The following B3GAT2 variants were observed in gnomAD, a reference collection of about 807,000 sequenced individuals.
B3GAT2 encodes the protein beta-1,3-glucuronyltransferase 2, also known as galactosylgalactosylxylosylprotein 3-beta-glucuronosyltransferase 2.
In B3GAT2, 26 loss-of-function variants were observed where a neutral mutation model predicts 27.8. The observed-to-expected ratio is 0.93, with a 90% confidence interval of 0.68 to 1.30. B3GAT2 has a LOEUF of 1.30. Ranked by LOEUF, B3GAT2 falls within the 50% of genes most tolerant of loss-of-function variation. The pLI is 0.00. For missense variants in B3GAT2, 458 were observed against 459.0 expected, an observed-to-expected ratio of 1.00 and a Z score of 0.02; for synonymous variants, 218 against 195.1, an observed-to-expected ratio of 1.12 and a Z score of -0.98.
At chr6:70,888,842 C>T (rs1619936) in intron 2 of B3GAT2, among the ~76,000 whole-genome samples, 49,711 of 152,206 alleles carry the variant, frequency 0.33, 12,672 homozygotes, top group African/African-American at 0.69. Flanking sequence ...GGGCCTAGCA[C>T]GGAAGGTGCC....
At chr6:70,871,325 T>C (rs1771934249) in intron 2 of B3GAT2, among the ~76,000 whole-genome samples, 2 of 151,412 alleles carry the variant, frequency 1.3e-5, no homozygotes, top group African/African-American at 4.8e-5. Context: ...GGAGGATTTG[T>C]GAAGAATTGG....
chr6:70,886,969 T>C (rs972155833), intron 2 of B3GAT2, among the ~76,000 whole-genome samples: 3 of 152,074 alleles, frequency 2.0e-5, no homozygotes, highest in African/African-American at 4.8e-5. Flanking sequence ...AAGGACAAAG[T>C]CCCAAGCTGG....
In B3GAT2 at chr6:70,857,555, G is replaced by C. The variant is rs933131645; in HGVS notation, c.*4108C>G. 9.0e-6 allele frequency: 2 copies of C among 221,238 alleles called. No homozygotes were observed. The highest frequency in any genetic ancestry group is 4.6e-5 in the African/African-American group (2 of 43,396). The allele number at this position is 221,238 out of a possible 1,614,324, so 13.7% of individuals were successfully genotyped here. On this transcript the variant is annotated 3_prime_UTR_variant, in exon 4 of 4. Transcript: ENST00000230053. ...CAGCCCACTACACCTATTGAAGCGA[G>C]ATATAGTCAGCTCTCACTTCCCTGT...
chr6:70,895,036 C>T (rs920482897), intron 1 of B3GAT2, among the ~76,000 whole-genome samples: 1 of 152,154 alleles, frequency 6.6e-6, no homozygotes, highest in Non-Finnish European at 1.5e-5. Flanking sequence ...TTTTCCAGGG[C>T]TCATGCTGAA....
At position 70,860,245 on chromosome 6, in the gene B3GAT2, A is replaced by G. The variant is rs952570546; in HGVS notation, c.*1418T>C. The G allele has an allele frequency of 1.9e-6, 3 of 1,613,380 alleles. No individual in the cohort carries two copies. The highest frequency in any genetic ancestry group is 2.7e-5 in the African/African-American group (2 of 74,862). Reference sequence around the variant, plus strand: ...CATGAGTATCAGTAGTGCAACCCCTACTGCAGGTTTTGGCCAGCCCTCCAG... The same window carrying G: ...CATGAGTATCAGTAGTGCAACCCCTGCTGCAGGTTTTGGCCAGCCCTCCAG... On this transcript the variant is annotated 3_prime_UTR_variant, in exon 4 of 4. Coordinates refer to ENST00000230053, the MANE Select transcript of B3GAT2 (RefSeq NM_080742.3).
At chr6:70,863,316 C>A (rs924363398) in intron 2 of B3GAT2, among the ~76,000 whole-genome samples, 2 of 152,228 alleles carry the variant, frequency 1.3e-5, no homozygotes, top group African/African-American at 2.4e-5. Flanking sequence ...AACCACCATC[C>A]TCTCCAGATG....
chr6:70,895,625 C>A (rs1280210987), intron 1 of B3GAT2, among the ~76,000 whole-genome samples: 1 of 150,734 alleles, frequency 6.6e-6, no homozygotes, highest in East Asian at 2.0e-4. Context: ...CCTGCCTCAG[C>A]CTCCTGAGTA....
intron 2 of B3GAT2, among the ~76,000 whole-genome samples, chr6:70,890,996 T>A (rs950081995): frequency 1.3e-5 from 2 of 152,358 alleles, no homozygotes; most frequent in East Asian, 3.9e-4. Flanking sequence ...AAGATTGATT[T>A]AAGCTCAGTT....
chr6:70,862,263 GT>G (rs1406264489), intron 2 of B3GAT2, among the ~76,000 whole-genome samples: 1 of 152,154 alleles, frequency 6.6e-6, no homozygotes, highest in Non-Finnish European at 1.5e-5. Flanking sequence ...ATAAGCTGCT[GT>G]TTCACAGTGA....
chr6:70,911,016 A>T (rs1264588037), intron 1 of B3GAT2, among the ~76,000 whole-genome samples: 4 of 150,884 alleles, frequency 2.7e-5, no homozygotes, highest in East Asian at 3.9e-4. Flanking sequence ...TACTTTAAAA[A>T]TTTTTTTTTC....
intron 1 of B3GAT2, among the ~76,000 whole-genome samples, chr6:70,935,573 T>C (rs942946903): frequency 6.6e-6 from 1 of 152,180 alleles, no homozygotes; most frequent in Non-Finnish European, 1.5e-5. Context: ...ATCTACTGGA[T>C]ATATTTAAAT....
Position 70,861,601 on chromosome 6 carries a change from C to CCAAA in B3GAT2, c.*58_*61dup, listed in dbSNP as rs1310954677. 10 of 1,489,766 alleles carry CCAAA rather than the reference C, an allele frequency of 6.7e-6. No individual in the cohort carries two copies. The African/African-American group carries it at 1.1e-4, about 16-fold the overall frequency. 92.3% of individuals were successfully genotyped at this position (1,489,766 alleles called of 1,614,324 possible). On this transcript the variant is annotated 3_prime_UTR_variant, in exon 4 of 4. Coordinates refer to ENST00000230053, the MANE Select transcript of B3GAT2 (RefSeq NM_080742.3). Reference sequence around the variant, plus strand: ...ACCTGAATGCTCTGTAGCCTAAACTCCAAACATCCTCTTCCATATGGATCC... The same window carrying CCAAA: ...ACCTGAATGCTCTGTAGCCTAAACTCCAAACAAACATCCTCTTCCATATGGATCC...
At chr6:70,906,776 C>T (rs1772608943) in intron 1 of B3GAT2, among the ~76,000 whole-genome samples, 2 of 152,174 alleles carry the variant, frequency 1.3e-5, no homozygotes, top group African/African-American at 4.8e-5. Context: ...CACTTAAGAT[C>T]CTTCCACCTC....
At chr6:70,880,090 G>A (rs1287449989) in intron 2 of B3GAT2, among the ~76,000 whole-genome samples, 1 of 151,232 alleles carries the variant, frequency 6.6e-6, no homozygotes, top group African/African-American at 2.4e-5. Context: ...GTGGGGGTGG[G>A]GGTGGGGGTG....
chr6:70,869,710 T>C (rs1350932989), intron 2 of B3GAT2, among the ~76,000 whole-genome samples: 4 of 152,234 alleles, frequency 2.6e-5, no homozygotes, highest in Non-Finnish European at 5.9e-5. Flanking sequence ...TGCTAGTGTA[T>C]ATAAATACAA....
At chr6:70,943,102 A>T (rs576479904) in intron 1 of B3GAT2, among the ~76,000 whole-genome samples, 1 of 152,318 alleles carries the variant, frequency 6.6e-6, no homozygotes, top group Admixed American at 6.5e-5. Context: ...AAAAGACCCA[A>T]TCTGACTTCT....
At chr6:70,862,075 AT>A in intron 2 of B3GAT2, 97 bp from the exon 3 acceptor site, 1 of 1,122,952 alleles carries the variant, frequency 8.9e-7, no homozygotes, top group Non-Finnish European at 1.2e-6. Flanking sequence ...AGTTTTTAAA[AT>A]ACCTACTGTG....
intron 1 of B3GAT2, among the ~76,000 whole-genome samples, chr6:70,950,385 C>G (rs902091882): frequency 4.8e-4 from 72 of 151,562 alleles, no homozygotes; most frequent in African/African-American, 1.6e-3. Context: ...TTGACATAAC[C>G]AAGAAGAAAG....
intron 1 of B3GAT2, 56 bp downstream of exon 1, chr6:70,955,783 C>A: frequency 6.7e-7 from 1 of 1,491,476 alleles, no homozygotes; most frequent in Non-Finnish European, 8.9e-7. Context: ...GCAGCCCGGC[C>A]GGCCCGGAGG....
Sources: gnomAD v4.1 joint callset for allele counts (sites outside exome capture counted in the v4.1 genomes callset) on GRCh38, gnomAD v4.1.1 for gene constraint, MANE v1.5 for transcripts, NCBI Gene and HGNC (gene_info 2026-07-23, HGNC 2026-07-21) for gene names.